Variants in URB1 observed in about 807,000 individuals in gnomAD.
URB1 encodes the protein URB1 ribosome biogenesis factor, also known as nucleolar pre-ribosomal-associated protein 1.
URB1 carries 197 observed loss-of-function variants against 242.3 expected under a neutral mutation model. The ratio of observed to expected loss-of-function variants is 0.81; its 90% CI spans 0.72 to 0.91. The LOEUF is 0.91. URB1 is among the 40% of genes least tolerant of loss of function. The pLI, the probability that URB1 is intolerant of heterozygous loss-of-function variation, is 0.00. For synonymous variants in URB1, 1,153 were observed against 1,201.8 expected (o/e 0.96, Z 0.84); for missense variants, 2,721 against 2,860.5 (o/e 0.95, Z 1.11).
At chr21:32,320,341 G>A (rs904633542) in intron 35 of URB1, among the ~76,000 whole-genome samples, 190 bp downstream of exon 35, 1 of 152,244 alleles carries the variant, frequency 6.6e-6, no homozygotes, top group Admixed American at 6.5e-5. Context: ...GCTGTGAATG[G>A]AGGAAAGGCA....
chr21:32,356,419 C>T (rs932366290), intron 15 of URB1, among the ~76,000 whole-genome samples: 1 of 152,120 alleles, frequency 6.6e-6, no homozygotes, highest in Non-Finnish European at 1.5e-5. Flanking sequence ...AATATGATCC[C>T]TTCTCTCAAG....
At chr21:32,341,553 A>G (rs1306982240) in intron 24 of URB1, 29 bp from the exon 25 acceptor site, 1 of 1,546,390 alleles carries the variant, frequency 6.5e-7, no homozygotes, top group East Asian at 2.4e-5. Flanking sequence ...AGAAAAACAC[A>G]TGAAACATCT....
chr21:32,324,910 T>C (rs2032811550), intron 31 of URB1, among the ~76,000 whole-genome samples: 1 of 152,224 alleles, frequency 6.6e-6, no homozygotes, highest in Non-Finnish European at 1.5e-5. Context: ...GTTCAGTGTG[T>C]CGTGGATAAT....
At position 32,378,730 on chromosome 21, in the gene URB1, G is replaced by A. The variant is rs535677729; in HGVS notation, c.568-189C>T. 5.3e-5 allele frequency among the ~76,000 whole-genome samples: 8 copies of A among 152,228 alleles called. No homozygotes were observed. The East Asian group carries it at 7.7e-4, about 15-fold the overall frequency. On this transcript the variant is annotated intron_variant, in intron 4 of 38. Coordinates refer to ENST00000382751, the MANE Select transcript of URB1 (RefSeq NM_014825.3). ...CCATGGAAAGTAAAAAATTTTTTCC[G>A]TTCTCTTTCCCCGGTAATCTTCTCT... is the stretch of plus-strand genomic sequence containing the variant.
chr21:32,351,996 A>T (rs955190864), intron 19 of URB1, among the ~76,000 whole-genome samples: 3 of 152,196 alleles, frequency 2.0e-5, no homozygotes, highest in African/African-American at 7.2e-5. Flanking sequence ...AACGGCCAAA[A>T]ATACACATAG....
chr21:32,375,614 T>TACA (rs2033450627), intron 5 of URB1, 131 bp from the exon 6 acceptor site: 1 of 548,800 alleles, frequency 1.8e-6, no homozygotes, highest in African/African-American at 2.0e-5. Flanking sequence ...TTTTTAACTA[T>TACA]ACAAGTTTCC....
chr21:32,377,802 C>T (rs149762182), intron 5 of URB1, among the ~76,000 whole-genome samples: 20 of 152,296 alleles, frequency 1.3e-4, no homozygotes, highest in South Asian at 1.0e-3. Context: ...CCCAGAGTTC[C>T]GGCCAGGACA....
rs1280186687 is a variant in URB1 at position 32,317,665 on chromosome 21, C to G, written c.6034+11G>C. ...GGCTACTCTGGGCCAGTCCTGGGTT[C>G]TGACACTCACTCATGAGCTCCCGGG... On this transcript the variant is annotated intron_variant, in intron 37 of 38. Coordinates refer to ENST00000382751, the MANE Select transcript of URB1 (RefSeq NM_014825.3). 6.4e-7 allele frequency: 1 copy of G among 1,551,334 alleles called. No homozygotes were observed. The highest frequency in any genetic ancestry group is 1.4e-5 in the African/African-American group (1 of 73,042).
chr21:32,347,870 G>T, intron 21 of URB1, 59 bp from the exon 22 acceptor site: 1 of 1,468,936 alleles, frequency 6.8e-7, no homozygotes. Context: ...GACAGGGGCG[G>T]CAGCTGCCAC....
In URB1 at chr21:32,375,520, T is replaced by C. The variant is rs1413135570; in HGVS notation, c.665-37A>G. 2.4e-6 allele frequency: 3 copies of C among 1,274,220 alleles called. No individual in the cohort carries two copies. The South Asian group carries it at 4.2e-5, about 18-fold the overall frequency. 78.9% of individuals were successfully genotyped at this position (1,274,220 alleles called of 1,614,324 possible). ...AGTTTCAAAGCATTAAATTCAAAAA[T>C]ATTTTGAAAATGAGAATAGACGAGA... On this transcript the variant is annotated intron_variant, in intron 5 of 38. Coordinates refer to ENST00000382751, the MANE Select transcript of URB1 (RefSeq NM_014825.3).
At chr21:32,325,699 G>A (rs1164773931) in intron 30 of URB1, among the ~76,000 whole-genome samples, 2 of 152,170 alleles carry the variant, frequency 1.3e-5, no homozygotes, top group Admixed American at 6.5e-5. Context: ...ACCCACTGCG[G>A]AGACCCCAGC....
chr21:32,376,127 G>A (rs1416969294), intron 5 of URB1, among the ~76,000 whole-genome samples: 1 of 152,010 alleles, frequency 6.6e-6, no homozygotes, highest in African/African-American at 2.4e-5. Flanking sequence ...GAGAATGTAC[G>A]GTATAACAAA....
chr21:32,319,386 C>A lies in URB1; in HGVS notation c.5623G>T (p.Val1875Leu). Residue 1875 changes from valine (V) to leucine (L), a missense_variant, in exon 36 of 39, where the codon GTG (valine) becomes TTG (leucine). Val to Leu is a conservative substitution (Grantham distance 32). Coordinates refer to ENST00000382751, the MANE Select transcript of URB1 (RefSeq NM_014825.3). Reference protein sequence around the residue: ...KFLETPLLSNVISLLHTLWVT... With the variant: ...KFLETPLLSNLISLLHTLWVT... The stretch of plus-strand genomic sequence containing the variant: ...CACAGTGTGTGTAGCAAGGAGATCA[C>A]ATTAGACAGCAGCGGAGTCTCCAGA... The A allele has an allele frequency of 6.5e-7, 1 of 1,538,364 alleles. No homozygotes were observed.
chr21:32,379,948 C>T (rs1387229514), intron 4 of URB1, among the ~76,000 whole-genome samples: 1 of 150,458 alleles, frequency 6.6e-6, no homozygotes, highest in Non-Finnish European at 1.5e-5. Flanking sequence ...CACTGCACTC[C>T]AACCTGGGCG....
At chr21:32,318,115 C>A (rs979795717) in intron 36 of URB1, among the ~76,000 whole-genome samples, 198 bp from the exon 37 acceptor site, 2 of 152,176 alleles carry the variant, frequency 1.3e-5, no homozygotes. Flanking sequence ...CAGGAAGGCA[C>A]AAAGGGGACC....
chr21:32,314,833 A>G lies in URB1; in HGVS notation c.*85T>C. ...TGTTGTTTCCCATGCCTTCTCTGGA[A>G]ACCCTTGACTCAACCAAACTTCTAG... On this transcript the variant is annotated 3_prime_UTR_variant, in exon 39 of 39. Transcript: ENST00000382751. 10 of 1,504,108 alleles carry G rather than the reference A, an allele frequency of 6.6e-6. No homozygotes were observed. The highest frequency in any genetic ancestry group is 8.0e-6 in the Non-Finnish European group (9 of 1,121,036). 93.2% of individuals were successfully genotyped at this position (1,504,108 alleles called of 1,614,324 possible).
chr21:32,322,509 A>C lies in URB1; in HGVS notation c.5309T>G (p.Phe1770Cys). The C allele has an allele frequency of 6.4e-7, 1 of 1,552,360 alleles. No individual in the cohort carries two copies. Among genetic ancestry groups the C allele is most frequent in the Non-Finnish European group, 8.7e-7 (1 of 1,147,136 alleles). The change falls in exon 33 of 39, where the codon TTC (phenylalanine) becomes TGC (cysteine). Residue 1770 changes from phenylalanine to cysteine, a missense_variant. By Grantham distance (205) the Phe-to-Cys change is radical (BLOSUM62 -2). Coordinates refer to ENST00000382751, the MANE Select transcript of URB1 (RefSeq NM_014825.3). The part of the protein sequence containing the change: ...EYLNMDKVPG[F>C]YQFFYSSDFE... ...GTCGGAGCTGTAGAAGAACTGGTAG[A>C]AGCCTGGCACTTTGTCCATGTTCAA... is the stretch of plus-strand genomic sequence containing the variant.
intron 1 of URB1, among the ~76,000 whole-genome samples, chr21:32,385,986 T>C (rs941731538): frequency 3.9e-5 from 6 of 152,028 alleles, no homozygotes; most frequent in Non-Finnish European, 5.9e-5. Flanking sequence ...ACCCCCTCTC[T>C]ACTAAAAATA....
At chr21:32,331,016 G>T (rs931644150) in intron 30 of URB1, among the ~76,000 whole-genome samples, 1 of 152,302 alleles carries the variant, frequency 6.6e-6, no homozygotes, top group South Asian at 2.1e-4. Context: ...TTCAGAAGTA[G>T]GAGCATTTGT....
Sources: gnomAD v4.1 joint callset for allele counts (sites outside exome capture counted in the v4.1 genomes callset) on GRCh38, gnomAD v4.1.1 for gene constraint, MANE v1.5 for transcripts, NCBI Gene and HGNC (gene_info 2026-07-23, HGNC 2026-07-21) for gene names.